The following NRXN1 variants were observed in gnomAD, a reference collection of about 807,000 sequenced individuals.
The protein encoded by NRXN1 is neurexin-1.
A neutral mutation model predicts 150.9 loss-of-function variants in NRXN1; 39 were observed. That is an observed-to-expected ratio of 0.26 (90% CI 0.20 to 0.34). The LOEUF (loss-of-function observed/expected upper bound fraction) is 0.34, where lower values mean the gene tolerates loss of function less well. Ranked by LOEUF, NRXN1 falls within the 10% of genes least tolerant of loss-of-function variation. NRXN1 has a pLI of 1.00. For synonymous variants in NRXN1, 924 were observed against 757.0 expected (o/e 1.22, Z -3.62); for missense variants, 1,815 against 1,949.9 (o/e 0.93, Z 1.30).
intron 5 of NRXN1, among the ~76,000 whole-genome samples, chr2:50,781,881 G>A (rs1704398208): frequency 6.6e-6 from 1 of 152,046 alleles, no homozygotes; most frequent in African/African-American, 2.4e-5. Flanking sequence ...TGTAAACTGG[G>A]GATACTGATG....
At chr2:50,706,652 T>C (rs550347874) in intron 5 of NRXN1, among the ~76,000 whole-genome samples, 1 of 152,254 alleles carries the variant, frequency 6.6e-6, no homozygotes, top group South Asian at 2.1e-4. Flanking sequence ...TCTCTGATAG[T>C]GTTATATTTG....
chr2:50,008,468 A>ATTTG (rs1685119904), intron 21 of NRXN1, among the ~76,000 whole-genome samples: 1 of 136,388 alleles, frequency 7.3e-6, no homozygotes, highest in Non-Finnish European at 1.6e-5. Flanking sequence ...GAAGGATGCC[A>ATTTG]TTTTTTTTTT....
chr2:50,975,427 C>G (rs1695663892), intron 2 of NRXN1, among the ~76,000 whole-genome samples: 1 of 152,044 alleles, frequency 6.6e-6, no homozygotes, highest in African/African-American at 2.4e-5. Flanking sequence ...TCTTTCCATA[C>G]TTTTCTATTC....
At chr2:50,081,763 T>C (rs1698004011) in intron 19 of NRXN1, among the ~76,000 whole-genome samples, 1 of 152,128 alleles carries the variant, frequency 6.6e-6, no homozygotes, top group Non-Finnish European at 1.5e-5. Flanking sequence ...ATTATCATTA[T>C]AAAAATATAT....
At chr2:50,710,773 T>C (rs982643751) in intron 5 of NRXN1, among the ~76,000 whole-genome samples, 38 of 152,334 alleles carry the variant, frequency 2.5e-4, no homozygotes, top group African/African-American at 8.9e-4. Context: ...TTTGCTTCTC[T>C]GCTTTTTTTG....
At chr2:50,768,890 C>G (rs145987175) in intron 5 of NRXN1, among the ~76,000 whole-genome samples, 251 of 151,626 alleles carry the variant, frequency 1.7e-3, no homozygotes, top group African/African-American at 5.8e-3. Context: ...CAGTGACAAC[C>G]ACCACGAACA....
chr2:50,041,784 T>C (rs935028850), intron 21 of NRXN1, among the ~76,000 whole-genome samples: 2 of 152,192 alleles, frequency 1.3e-5, no homozygotes, highest in Non-Finnish European at 2.9e-5. Context: ...TGATAAAATA[T>C]TCCTCTTGAG....
At chr2:50,943,212 A>T (rs1380120575) in intron 2 of NRXN1, among the ~76,000 whole-genome samples, 1 of 152,020 alleles carries the variant, frequency 6.6e-6, no homozygotes, top group African/African-American at 2.4e-5. Flanking sequence ...AGTCAATTAA[A>T]CCTCTTTTCT....
intron 5 of NRXN1, among the ~76,000 whole-genome samples, chr2:50,695,944 GC>G (rs1692773428): frequency 6.7e-6 from 1 of 148,158 alleles, no homozygotes; most frequent in African/African-American, 2.5e-5. Flanking sequence ...CCAGCTTCAA[GC>G]GATTCTTCTG....
intron 17 of NRXN1, among the ~76,000 whole-genome samples, chr2:50,308,280 GCTAA>G (rs1476233798): frequency 2.6e-5 from 4 of 151,900 alleles, no homozygotes; most frequent in African/African-American, 9.7e-5. Flanking sequence ...CCCTGACCCT[GCTAA>G]CTACCTTTCT....
chr2:50,864,261 A>G (rs1213325328), intron 5 of NRXN1, among the ~76,000 whole-genome samples: 1 of 152,002 alleles, frequency 6.6e-6, no homozygotes, highest in East Asian at 1.9e-4. Flanking sequence ...TACAGTGGTA[A>G]GCAAAATCAG....
intron 18 of NRXN1, among the ~76,000 whole-genome samples, chr2:50,191,536 C>T (rs2061443561): frequency 6.6e-6 from 1 of 152,110 alleles, no homozygotes. Flanking sequence ...CTGATTCCAT[C>T]ATCATAAGGA....
chr2:50,239,418 G>C (rs1559150509), intron 17 of NRXN1, among the ~76,000 whole-genome samples: 1 of 150,786 alleles, frequency 6.6e-6, no homozygotes. Context: ...AATTCAGATG[G>C]TTTAAGAATT....
intron 18 of NRXN1, among the ~76,000 whole-genome samples, chr2:50,170,180 C>G (rs1355718952): frequency 6.6e-6 from 1 of 151,828 alleles, no homozygotes; most frequent in Admixed American, 6.6e-5. Context: ...TACACTCAAA[C>G]TGGTTGAGCA....
intron 5 of NRXN1, among the ~76,000 whole-genome samples, chr2:50,869,853 G>A (rs182879727): frequency 1.3e-5 from 2 of 151,840 alleles, no homozygotes; most frequent in African/African-American, 4.8e-5. Flanking sequence ...ACAATTTAAG[G>A]CATTAAAGTT....
At chr2:50,723,042 C>T (rs1696881270) in intron 5 of NRXN1, among the ~76,000 whole-genome samples, 1 of 152,028 alleles carries the variant, frequency 6.6e-6, no homozygotes, top group Non-Finnish European at 1.5e-5. Context: ...TATTGTCATT[C>T]AGTTAGTAGA....
chr2:50,270,033 C>A (rs695073), intron 17 of NRXN1, among the ~76,000 whole-genome samples: 9 of 151,980 alleles, frequency 5.9e-5, no homozygotes, highest in African/African-American at 1.7e-4. Context: ...TGCATGATAA[C>A]TATCCCCTCC....
chr2:50,733,687 G>A (rs1338181525), intron 5 of NRXN1, among the ~76,000 whole-genome samples: 1 of 152,082 alleles, frequency 6.6e-6, no homozygotes, highest in Admixed American at 6.6e-5. Flanking sequence ...TTCCAAATTT[G>A]CAGATTTTAG....
intron 9 of NRXN1, among the ~76,000 whole-genome samples, chr2:50,544,145 T>C (rs1374933310): frequency 2.0e-5 from 3 of 152,132 alleles, no homozygotes; most frequent in Non-Finnish European, 2.9e-5. Flanking sequence ...CCTACACAAA[T>C]GAATCAGATT....
Sources: gnomAD v4.1 joint callset for allele counts (sites outside exome capture counted in the v4.1 genomes callset) on GRCh38, gnomAD v4.1.1 for gene constraint, MANE v1.5 for transcripts, NCBI Gene and HGNC (gene_info 2026-07-23, HGNC 2026-07-21) for gene names.